Variants in ACACA observed in about 807,000 individuals in gnomAD.
ACACA encodes the protein acetyl-CoA carboxylase 1.
In ACACA, 103 loss-of-function variants were observed where a neutral mutation model predicts 296.1. The observed-to-expected ratio is 0.35, with a 90% CI of 0.30 to 0.41. ACACA has a LOEUF of 0.41. Ranked by LOEUF, ACACA falls within the 10% of genes least tolerant of loss-of-function variation. The pLI is 1.00. For synonymous variants in ACACA, 953 were observed against 1,038.6 expected, an observed-to-expected ratio of 0.92 and a Z score of 1.58; for missense variants, 1,554 against 2,989.7, an observed-to-expected ratio of 0.52 and a Z score of 11.20.
chr17:37,151,737 C>T (rs866627641), intron 43 of ACACA, among the ~76,000 whole-genome samples: 2 of 152,176 alleles, frequency 1.3e-5, no homozygotes, highest in African/African-American at 2.4e-5. Flanking sequence ...TCAAGGCTCA[C>T]TGCAAGCTCT....
intron 2 of ACACA, among the ~76,000 whole-genome samples, chr17:37,332,979 C>T (rs894730992): frequency 1.3e-5 from 2 of 151,812 alleles, no homozygotes; most frequent in Non-Finnish European, 2.9e-5. Flanking sequence ...TGACTGATCC[C>T]GACCTCAACT....
chr17:37,330,105 T>C, intron 3 of ACACA, 68 bp downstream of exon 3: 1 of 1,593,476 alleles, frequency 6.3e-7, no homozygotes, highest in South Asian at 1.1e-5. Flanking sequence ...ATCCTTGCTC[T>C]TTTCAGAACA....
At chr17:37,375,281 T>C (rs1452539770) in intron 1 of ACACA, among the ~76,000 whole-genome samples, 1 of 151,798 alleles carries the variant, frequency 6.6e-6, no homozygotes, top group Non-Finnish European at 1.5e-5. Context: ...GATCAGGAGA[T>C]TAAGACCATC....
Position 37,392,000 on chromosome 17 carries a change from A to G in ACACA, c.38+14262T>C, listed in dbSNP as rs149824270. ...ACAAAAAGTATTCCCTGCAAGCACTATGAATGGACCTTACTACTCTCTTTG... is the reference window on the plus strand; with the variant it reads ...ACAAAAAGTATTCCCTGCAAGCACTGTGAATGGACCTTACTACTCTCTTTG... On this transcript the variant is annotated intron_variant, in intron 1 of 55. Coordinates refer to ENST00000616317, the MANE Select transcript of ACACA (RefSeq NM_198834.3). 3.6e-3 allele frequency: 1,619 copies of G among 455,030 alleles called. 13 individuals carry two copies. The highest frequency in any genetic ancestry group is 0.014 in the Middle Eastern group (24 of 1,686). The allele number at this position is 455,030 out of a possible 1,614,324, so 28.2% of individuals were successfully genotyped here.
chr17:37,310,738 G>A (rs886095561), intron 3 of ACACA, among the ~76,000 whole-genome samples: 2 of 138,736 alleles, frequency 1.4e-5, no homozygotes, highest in African/African-American at 5.4e-5. Context: ...AGGTTGCAGA[G>A]AGCCAAGATT....
At position 37,111,594 on chromosome 17, in the gene ACACA, T is replaced by G. The variant is rs746081598; in HGVS notation, c.6502A>C (p.Lys2168Gln). 6.2e-7 allele frequency: 1 copy of G among 1,614,206 alleles called. No homozygotes were observed. The highest frequency in any genetic ancestry group is 1.7e-5 in the Admixed American group (1 of 60,028). Residue 2168 changes from lysine (K) to glutamine (Q), a missense_variant, in exon 52 of 56, where the codon AAG (lysine) becomes CAG (glutamine). By Grantham distance (53) the Lys-to-Gln change is moderately conservative. This residue lies in a region of ACACA where 553 missense variants were observed against 1,043.6 expected (regional missense o/e 0.53). Coordinates refer to ENST00000616317, the MANE Select transcript of ACACA (RefSeq NM_198834.3). ...EGTVEIKFRR[K>Q]DLVKTMRRVD... ...CGACGCATGGTTTTCACCAGATCCT[T>G]TCTGCGGAATTTGATTTCTACTGTC...
chr17:37,197,333 C>T (rs895178965), intron 35 of ACACA, among the ~76,000 whole-genome samples: 24 of 152,312 alleles, frequency 1.6e-4, no homozygotes, highest in Admixed American at 4.6e-4. Context: ...GCACAGCTTG[C>T]TTTATTCCAC....
intron 1 of ACACA, among the ~76,000 whole-genome samples, chr17:37,357,128 T>C (rs753096243): frequency 6.6e-5 from 10 of 152,226 alleles, no homozygotes; most frequent in Non-Finnish European, 1.3e-4. Flanking sequence ...ATGCCACCAT[T>C]TCCCAAGACT....
intron 16 of ACACA, among the ~76,000 whole-genome samples, chr17:37,250,493 C>T (rs113235934): frequency 1.6e-4 from 25 of 151,802 alleles, no homozygotes; most frequent in Middle Eastern, 3.5e-3. Context: ...CAAAAATGAG[C>T]TGGGCGTGGT....
chr17:37,299,180 GA>G (rs1042731640), intron 3 of ACACA: 36 of 1,260,410 alleles, frequency 2.9e-5, no homozygotes, highest in Admixed American at 7.3e-5. Context: ...TTTAAAGATA[GA>G]AAAAAAATGA....
intron 24 of ACACA, among the ~76,000 whole-genome samples, chr17:37,236,382 A>G (rs113787809): frequency 2.4e-4 from 36 of 152,332 alleles, no homozygotes; most frequent in Middle Eastern, 3.4e-3. Flanking sequence ...TGACAACACA[A>G]ATAAACTTTG....
intron 1 of ACACA, among the ~76,000 whole-genome samples, chr17:37,350,397 G>A (rs930131180): frequency 2.0e-5 from 3 of 151,362 alleles, no homozygotes; most frequent in Non-Finnish European, 2.9e-5. Flanking sequence ...GCACATGCCT[G>A]TAGTCCCAGC....
At chr17:37,162,077 A>T (rs2076482533) in intron 41 of ACACA, 27 bp from the exon 42 acceptor site, 1 of 1,613,856 alleles carries the variant, frequency 6.2e-7, no homozygotes, top group Admixed American at 1.7e-5. Context: ...AAACAAATGA[A>T]CAGAAGTTTC....
At chr17:37,319,501 GCTT>G (rs1407917083) in intron 3 of ACACA, among the ~76,000 whole-genome samples, 1 of 151,960 alleles carries the variant, frequency 6.6e-6, no homozygotes. Context: ...TTTCTATTCT[GCTT>G]CTTTAATAAA....
At chr17:37,145,790 A>C (rs2075782132) in intron 45 of ACACA, among the ~76,000 whole-genome samples, 1 of 152,214 alleles carries the variant, frequency 6.6e-6, no homozygotes, top group South Asian at 2.1e-4. Context: ...GCTTCTAATC[A>C]CCAGCCTACT....
chr17:37,184,929 C>T (rs1029961206), intron 39 of ACACA, among the ~76,000 whole-genome samples: 4 of 151,216 alleles, frequency 2.6e-5, no homozygotes, highest in Non-Finnish European at 4.4e-5. Context: ...TGCAACATGG[C>T]TGAACCTCAA....
In ACACA at chr17:37,314,266, A is replaced by AT. The variant is rs546237240; in HGVS notation, c.338+15906dup. 1.4e-3 allele frequency among the ~76,000 whole-genome samples: 212 copies of AT among 151,560 alleles called. 1 individual carries two copies. The highest frequency in any genetic ancestry group is 4.9e-3 in the African/African-American group (201 of 41,290). ...AGGTGCCCGCCACCATGCACGGCTA[A>AT]TTTTTTGTATTTTTAGTAGAGATGA... On this transcript the variant is annotated intron_variant, in intron 3 of 55. Transcript: ENST00000616317.
chr17:37,228,840 C>T (rs941460707), intron 25 of ACACA, among the ~76,000 whole-genome samples: 2 of 152,050 alleles, frequency 1.3e-5, no homozygotes, highest in Admixed American at 6.6e-5. Context: ...CAAAAGCCAA[C>T]ATGACAAAAT....
At chr17:37,333,678 C>T (rs2147255669) in intron 2 of ACACA, among the ~76,000 whole-genome samples, 1 of 151,670 alleles carries the variant, frequency 6.6e-6, no homozygotes, top group Middle Eastern at 3.4e-3. Flanking sequence ...TCATTATTTA[C>T]TGGACCAGGC....
Sources: allele counts gnomAD v4.1 joint callset (sites outside exome capture counted in the v4.1 genomes callset), GRCh38; gene constraint gnomAD v4.1.1; regional missense constraint gnomAD v4.1.1; transcripts MANE v1.5; gene names NCBI Gene and HGNC (gene_info 2026-07-23, HGNC 2026-07-21).